DUSP16: variants seen among roughly 807,000 people sequenced by gnomAD.
DUSP16 encodes dual specificity protein phosphatase 16.
Under a neutral mutation model 58.3 loss-of-function variants are expected in DUSP16, and 21 were observed. The observed-to-expected ratio is 0.36, with a 90% CI of 0.26 to 0.52. The LOEUF is 0.52. Ranked by LOEUF, DUSP16 falls within the 20% of genes least tolerant of loss-of-function variation. The pLI, the probability that DUSP16 is intolerant of heterozygous loss-of-function variation, is 0.94. For missense variants in DUSP16, 726 were observed against 819.0 expected (o/e 0.89, Z 1.39); for synonymous variants, 320 against 323.8 (o/e 0.99, Z 0.12).
chr12:12,476,803 T>G lies in DUSP16; in HGVS notation c.*30A>C. 6.6e-7 allele frequency: 1 copy of G among 1,523,676 alleles called. No individual in the cohort carries two copies. The highest frequency in any genetic ancestry group is 8.7e-7 in the Non-Finnish European group (1 of 1,144,460). 94.4% of individuals were successfully genotyped at this position (1,523,676 alleles called of 1,614,324 possible). On this transcript the variant is annotated 3_prime_UTR_variant, in exon 7 of 7. Coordinates refer to ENST00000298573, the MANE Select transcript of DUSP16 (RefSeq NM_030640.3). Reference sequence around the variant, plus strand: ...TTTTTTGTGAACAAGAAAAAAAAATTGTCTATAGAAGTCACAAGTGTCTTT... The same window carrying G: ...TTTTTTGTGAACAAGAAAAAAAAATGGTCTATAGAAGTCACAAGTGTCTTT...
At chr12:12,484,852 T>TC (rs1469640875) in intron 5 of DUSP16, among the ~76,000 whole-genome samples, 1 of 152,068 alleles carries the variant, frequency 6.6e-6, no homozygotes, top group Admixed American at 6.5e-5. Flanking sequence ...CCTCAGGTGA[T>TC]CCCCCCATCT....
rs1054768884 is a variant in DUSP16 at position 12,475,915 on chromosome 12, A to C, written c.*918T>G. 6.6e-6 allele frequency: 1 copy of C among 152,192 alleles called. No individual in the cohort carries two copies. The highest frequency in any genetic ancestry group is 1.5e-5 in the Non-Finnish European group (1 of 68,008). The allele number at this position is 152,192 out of a possible 1,614,324, so 9.4% of individuals were successfully genotyped here. On this transcript the variant is annotated 3_prime_UTR_variant, in exon 7 of 7. Coordinates refer to ENST00000298573, the MANE Select transcript of DUSP16 (RefSeq NM_030640.3). ...TTGGCTTGAAACCAAGTTCATCTTT[A>C]TTTAAAGGATTGACAATCCCATTTT...
Position 12,476,872 on chromosome 12 carries a change from A to G in DUSP16, c.1959T>C (p.Ser653=). 1 of 1,612,318 alleles carries G rather than the reference A, an allele frequency of 6.2e-7. No individual in the cohort carries two copies. The highest frequency in any genetic ancestry group is 1.7e-5 in the Admixed American group (1 of 60,018). ...REELGKVGSQ[S]SFSGSMEIIE... ...TGATTTCCATGCTGCCCGAAAAGCT[A>G]GACTGACTGCCCACTTTCCCCAGCT... The change falls in exon 7 of 7, where the codon TCT becomes TCC. Residue 653 remains serine (S), a synonymous_variant. Transcript: ENST00000298573.
At chr12:12,539,868 T>C (rs140873280) in intron 1 of DUSP16, among the ~76,000 whole-genome samples, 6 of 151,318 alleles carry the variant, frequency 4.0e-5, no homozygotes, top group East Asian at 3.9e-4. Flanking sequence ...CTGACCAACA[T>C]GGTGAAACCC....
intron 4 of DUSP16, among the ~76,000 whole-genome samples, chr12:12,495,235 A>C (rs1005854004): frequency 2.4e-5 from 2 of 84,154 alleles, no homozygotes; most frequent in Admixed American, 1.3e-4. Flanking sequence ...TAAAGCCATT[A>C]CAAAAAAAAA....
chr12:12,523,904 G>A (rs1944268489), intron 1 of DUSP16, among the ~76,000 whole-genome samples: 1 of 152,186 alleles, frequency 6.6e-6, no homozygotes, highest in Admixed American at 6.5e-5. Context: ...TACCCAGGTG[G>A]CACAGAAAGT....
At chr12:12,547,800 G>C (rs920590545) in intron 1 of DUSP16, among the ~76,000 whole-genome samples, 8 of 152,196 alleles carry the variant, frequency 5.3e-5, no homozygotes, top group African/African-American at 1.7e-4. Flanking sequence ...ATTTCTCAGT[G>C]TAGAAGTTAG....
intron 4 of DUSP16, among the ~76,000 whole-genome samples, chr12:12,492,178 A>G (rs1399282043): frequency 6.6e-6 from 1 of 152,182 alleles, no homozygotes; most frequent in Non-Finnish European, 1.5e-5. Flanking sequence ...CATACTCCTC[A>G]GCAATCTCTG....
At chr12:12,556,299 T>C (rs1944804966) in intron 1 of DUSP16, among the ~76,000 whole-genome samples, 2 of 152,188 alleles carry the variant, frequency 1.3e-5, no homozygotes, top group Non-Finnish European at 2.9e-5. Context: ...GGCTTGTGCC[T>C]GTAATCCTAG....
chr12:12,520,122 T>G, intron 2 of DUSP16, 122 bp from the exon 3 acceptor site: 1 of 1,036,564 alleles, frequency 9.6e-7, no homozygotes, highest in Non-Finnish European at 1.4e-6. Context: ...CAATTAATAA[T>G]TTGAATAAAA....
chr12:12,546,663 A>G (rs906822757), intron 1 of DUSP16, among the ~76,000 whole-genome samples: 1 of 152,208 alleles, frequency 6.6e-6, no homozygotes, highest in African/African-American at 2.4e-5. Context: ...TTCTAGTGTA[A>G]GCACTACCAA....
chr12:12,493,621 C>G (rs539035162), intron 4 of DUSP16, among the ~76,000 whole-genome samples: 1 of 152,190 alleles, frequency 6.6e-6, no homozygotes, highest in Non-Finnish European at 1.5e-5. Flanking sequence ...CATGCTCACT[C>G]TGCTCCAGCC....
intron 1 of DUSP16, among the ~76,000 whole-genome samples, chr12:12,537,153 A>G (rs1944478301): frequency 6.6e-6 from 1 of 152,216 alleles, no homozygotes; most frequent in Non-Finnish European, 1.5e-5. Context: ...TAAGTTTCCT[A>G]TTTTATAGAT....
At chr12:12,483,147 G>T (rs1943606694) in intron 5 of DUSP16, among the ~76,000 whole-genome samples, 1 of 152,186 alleles carries the variant, frequency 6.6e-6, no homozygotes, top group Non-Finnish European at 1.5e-5. Context: ...GGTTAAGAAA[G>T]GGGAGAGAGA....
At chr12:12,494,342 A>G (rs539556268) in intron 4 of DUSP16, among the ~76,000 whole-genome samples, 13 of 152,342 alleles carry the variant, frequency 8.5e-5, no homozygotes, top group African/African-American at 3.1e-4. Context: ...AAATTAGGAT[A>G]TAACTATTTA....
intron 1 of DUSP16, among the ~76,000 whole-genome samples, chr12:12,556,685 A>C (rs1365423565): frequency 6.6e-6 from 1 of 152,236 alleles, no homozygotes; most frequent in African/African-American, 2.4e-5. Context: ...AGCTCCTGAT[A>C]ATATCAGTTT....
intron 4 of DUSP16, among the ~76,000 whole-genome samples, chr12:12,488,870 G>A (rs964485786): frequency 1.3e-5 from 2 of 152,066 alleles, no homozygotes; most frequent in East Asian, 3.8e-4. Context: ...ACCTGAGGTC[G>A]GGAGTTTGAA....
At position 12,500,627 on chromosome 12, in the gene DUSP16, A is replaced by C; in HGVS notation, c.423T>G (p.Thr141=). 1.2e-6 allele frequency: 2 copies of C among 1,609,996 alleles called. No individual in the cohort carries two copies. Among genetic ancestry groups the C allele is most frequent in the South Asian group, 1.1e-5 (1 of 90,146 alleles). ...CFPGLCEGKS[T]LVPTCISQPC... is the part of the protein sequence containing the mutation. ...GCTGAGAAATGCAGGTAGGGACTAG[A>C]GTGGATTTTCCTTCACAGAGGCCAG... The change falls in exon 4 of 7, where the codon ACT becomes ACG. Residue 141 remains threonine, a synonymous_variant. Transcript: ENST00000298573.
In DUSP16 at chr12:12,487,190, A is replaced by T. The variant is rs1439766464; in HGVS notation, c.532-3T>A. The stretch of plus-strand genomic sequence containing the variant: ...ATCCCATTCTGCTGCATCAGCTCCT[A>T]TGGAGAGAAAGAGTAGCAGTTAAAG... On this transcript the variant is annotated splice_polypyrimidine_tract_variant and splice_region_variant and intron_variant, in intron 4 of 6. Coordinates refer to ENST00000298573, the MANE Select transcript of DUSP16 (RefSeq NM_030640.3). The T allele has an allele frequency of 9.3e-6, 15 of 1,613,240 alleles. 1 individual carries two copies. The African/African-American group carries it at 1.9e-4, about 20-fold the overall frequency.
Sources: allele counts gnomAD v4.1 joint callset (sites outside exome capture counted in the v4.1 genomes callset), GRCh38; gene constraint gnomAD v4.1.1; transcripts MANE v1.5; gene names NCBI Gene and HGNC (gene_info 2026-07-23, HGNC 2026-07-21).